ZFHX3: variants seen among roughly 807,000 people sequenced by gnomAD.
The protein encoded by ZFHX3 is zinc finger homeobox protein 3.
Under a neutral mutation model 279.1 loss-of-function variants are expected in ZFHX3, and 42 were observed. The ratio of observed to expected loss-of-function variants is 0.15; its 90% CI spans 0.12 to 0.19. The LOEUF (loss-of-function observed/expected upper bound fraction) is 0.19, where lower values mean the gene tolerates loss of function less well. ZFHX3 is among the 10% of genes least tolerant of loss of function. ZFHX3 has a pLI of 1.00. For missense variants in ZFHX3, 4,981 were observed against 4,754.0 expected, an observed-to-expected ratio of 1.05 and a Z score of -1.40; for synonymous variants, 2,293 against 1,957.8, an observed-to-expected ratio of 1.17 and a Z score of -4.52.
chr16:73,270,398 G>T (rs1434802349), intron 4 of ZFHX3, among the ~76,000 whole-genome samples: 1 of 152,202 alleles, frequency 6.6e-6, no homozygotes, highest in Non-Finnish European at 1.5e-5. Context: ...ACTGATGTGC[G>T]TGGAGAACAG....
intron 4 of ZFHX3, among the ~76,000 whole-genome samples, chr16:73,278,791 T>G (rs2014378843): frequency 2.0e-5 from 3 of 152,196 alleles, no homozygotes; most frequent in Non-Finnish European, 4.4e-5. Context: ...TTGGTGCATT[T>G]TACAATCCTC....
At chr16:73,416,853 G>T (rs927886652) in intron 3 of ZFHX3, among the ~76,000 whole-genome samples, 1 of 151,490 alleles carries the variant, frequency 6.6e-6, no homozygotes, top group Non-Finnish European at 1.5e-5. Context: ...CAGCCTGGGC[G>T]ACAGAGCGAG....
chr16:72,958,883 C>T lies in ZFHX3; in HGVS notation c.1263G>A (p.Gly421=), dbSNP rs777591626. 1.1e-4 allele frequency: 170 copies of T among 1,611,176 alleles called. No individual in the cohort carries two copies. Among genetic ancestry groups the T allele is most frequent in the Non-Finnish European group, 1.4e-4 (165 of 1,178,532 alleles). The change falls in exon 2 of 10, where the codon GGG becomes GGA. Residue 421 remains glycine (G), a synonymous_variant. Transcript: ENST00000268489. ...LKTPITSVPL[G]PLASSPTKSS... ...ATTTGGTAGGACTGGAAGCCAGAGGCCCCAGGGGGACTGAGGTAATGGGGG... is the reference window on the plus strand; with the variant it reads ...ATTTGGTAGGACTGGAAGCCAGAGGTCCCAGGGGGACTGAGGTAATGGGGG...
intron 2 of ZFHX3, among the ~76,000 whole-genome samples, chr16:72,953,707 A>G (rs1025479704): frequency 4.6e-5 from 7 of 152,246 alleles, no homozygotes; most frequent in South Asian, 2.1e-4. Flanking sequence ...CAGCCTCCCA[A>G]GTAGCTGGGA....
intron 1 of ZFHX3, among the ~76,000 whole-genome samples, chr16:72,993,739 T>A (rs1415152262): frequency 6.6e-6 from 1 of 152,140 alleles, no homozygotes; most frequent in Non-Finnish European, 1.5e-5. Flanking sequence ...CTCCTGAACC[T>A]CTGTCCTCAG....
intron 2 of ZFHX3, among the ~76,000 whole-genome samples, chr16:73,665,720 CATAA>C (rs932784845): frequency 6.6e-5 from 10 of 151,304 alleles, no homozygotes; most frequent in African/African-American, 2.4e-4. Flanking sequence ...TAAAACCCCA[CATAA>C]ATAGAGAGAT....
intron 3 of ZFHX3, among the ~76,000 whole-genome samples, chr16:72,891,613 T>C (rs940607574): frequency 6.6e-6 from 1 of 152,184 alleles, no homozygotes. Context: ...AAAGCTTAAA[T>C]GACTGACCCA....
chr16:73,827,808 AGAG>A, intron 1 of ZFHX3, among the ~76,000 whole-genome samples: 1 of 133,132 alleles, frequency 7.5e-6, no homozygotes, highest in African/African-American at 2.9e-5. Flanking sequence ...TTTGCGGAGG[AGAG>A]TTTTACTTCC....
At chr16:72,905,653 C>A (rs2039151575) in intron 3 of ZFHX3, among the ~76,000 whole-genome samples, 1 of 152,124 alleles carries the variant, frequency 6.6e-6, no homozygotes, top group African/African-American at 2.4e-5. Flanking sequence ...CCACACACAC[C>A]TTTGCAGATA....
chr16:73,347,346 G>T (rs1461902417), intron 3 of ZFHX3, among the ~76,000 whole-genome samples: 1 of 152,222 alleles, frequency 6.6e-6, no homozygotes, highest in Non-Finnish European at 1.5e-5. Flanking sequence ...CCCGTAACAG[G>T]TATTCCTGCA....
intron 3 of ZFHX3, among the ~76,000 whole-genome samples, chr16:73,398,790 A>G (rs2017184505): frequency 6.6e-6 from 1 of 152,164 alleles, no homozygotes; most frequent in Non-Finnish European, 1.5e-5. Flanking sequence ...GGGAACTCCT[A>G]TAACACTGTG....
intron 3 of ZFHX3, among the ~76,000 whole-genome samples, chr16:72,893,003 C>T (rs1567569127): frequency 6.6e-6 from 1 of 152,050 alleles, no homozygotes; most frequent in Non-Finnish European, 1.5e-5. Flanking sequence ...CCCCGAGGCC[C>T]CTCAGAACTC....
chr16:73,773,201 T>C (rs1297040738), intron 1 of ZFHX3, among the ~76,000 whole-genome samples: 1 of 152,244 alleles, frequency 6.6e-6, no homozygotes, highest in African/African-American at 2.4e-5. Flanking sequence ...CAGTGGCTAG[T>C]GGCTACCGTG....
chr16:73,339,294 G>T (rs953703855), intron 3 of ZFHX3, among the ~76,000 whole-genome samples: 2 of 152,140 alleles, frequency 1.3e-5, no homozygotes, highest in African/African-American at 2.4e-5. Flanking sequence ...TAATGAAGTT[G>T]TTTGTGCCTA....
At chr16:73,555,915 C>G (rs1278825093) in intron 2 of ZFHX3, among the ~76,000 whole-genome samples, 1 of 151,758 alleles carries the variant, frequency 6.6e-6, no homozygotes, top group Admixed American at 6.6e-5. Context: ...CAAAGCCAGG[C>G]TTTGAAATTA....
At chr16:72,992,300 T>C (rs1453681182) in intron 1 of ZFHX3, among the ~76,000 whole-genome samples, 3 of 151,944 alleles carry the variant, frequency 2.0e-5, no homozygotes, top group African/African-American at 2.4e-5. Flanking sequence ...GCCTCTCCCA[T>C]CCCCCACAGC....
chr16:72,877,644 C>T (rs753075222), intron 4 of ZFHX3, among the ~76,000 whole-genome samples: 37 of 152,162 alleles, frequency 2.4e-4, no homozygotes, highest in Non-Finnish European at 4.1e-4. Flanking sequence ...CATACTTGGG[C>T]GGTGAGTCAC....
rs563030073 is a variant in ZFHX3 at position 72,788,455 on chromosome 16, G to A, written c.9821C>T (p.Ala3274Val). 1.9e-6 allele frequency: 3 copies of A among 1,614,244 alleles called. No individual in the cohort carries two copies. Among genetic ancestry groups the A allele is most frequent in the East Asian group, 4.5e-5 (2 of 44,878 alleles). ...APTATAATIS[A>V]PLPTMEYAVD... ...CGCATACTCCATGGTGGGCAGCGGG[G>A]CTGAGATCGTGGCTGCAGTTGCCGT... The change falls in exon 10 of 10, where the codon GCC becomes GTC. Residue 3274 changes from alanine (A) to valine (V), a missense_variant. By Grantham distance (64) the Ala-to-Val change is moderately conservative. This residue lies in a region of ZFHX3 where 1,034 missense variants were observed against 786.0 expected (regional missense o/e 1.32). Coordinates refer to ENST00000268489, the MANE Select transcript of ZFHX3 (RefSeq NM_006885.4).
At chr16:73,782,011 C>T (rs1253246137) in intron 1 of ZFHX3, among the ~76,000 whole-genome samples, 1 of 151,568 alleles carries the variant, frequency 6.6e-6, no homozygotes, top group African/African-American at 2.4e-5. Flanking sequence ...ATAAAATAAA[C>T]AAGGAAGGCT....
Sources: gnomAD v4.1 joint callset for allele counts (sites outside exome capture counted in the v4.1 genomes callset) on GRCh38, gnomAD v4.1.1 for gene constraint, gnomAD v4.1.1 regional missense constraint, MANE v1.5 for transcripts, NCBI Gene and HGNC (gene_info 2026-07-23, HGNC 2026-07-21) for gene names.